The following PLOD1 variants were observed in gnomAD, a reference collection of about 807,000 sequenced individuals.
PLOD1 encodes the protein procollagen-lysine,2-oxoglutarate 5-dioxygenase 1.
In PLOD1, 70 loss-of-function variants were observed where a neutral mutation model predicts 94.7. That is an observed-to-expected ratio of 0.74 (90% CI 0.61 to 0.90). PLOD1 has a LOEUF of 0.90. Among genes scored for constraint, PLOD1 ranks in the 40% least tolerant of loss-of-function variants. The pLI is 0.00. For synonymous variants in PLOD1, 417 were observed against 400.2 expected (o/e 1.04, Z -0.50); for missense variants, 905 against 972.7 (o/e 0.93, Z 0.93).
In PLOD1 at chr1:11,974,652, G is replaced by A; in HGVS notation, c.2029-1G>A. ...GGCCACTGATGCTTTCTGTCTCCCAGGGCGGGGGCTGTCGGTTCCTGCGCT... is the reference window on the plus strand; with the variant it reads ...GGCCACTGATGCTTTCTGTCTCCCAAGGCGGGGGCTGTCGGTTCCTGCGCT... On this transcript the variant is annotated splice_acceptor_variant, in intron 18 of 18. Coordinates refer to ENST00000196061, the MANE Select transcript of PLOD1 (RefSeq NM_000302.4). LOFTEE classifies it high-confidence loss of function. 1 of 1,613,254 alleles carries A rather than the reference G, an allele frequency of 6.2e-7. No homozygotes were observed. Among genetic ancestry groups the A allele is most frequent in the Non-Finnish European group, 8.5e-7 (1 of 1,179,472 alleles).
intron 5 of PLOD1, chr1:11,954,245 G>A (rs867626473): frequency 1.3e-4 from 33 of 262,512 alleles, no homozygotes; most frequent in African/African-American, 7.3e-4. Context: ...GGGGGGCGGG[G>A]GCGGATCACC....
At chr1:11,966,183 T>C in intron 14 of PLOD1, 68 bp from the exon 15 acceptor site, 1 of 1,159,640 alleles carries the variant, frequency 8.6e-7, no homozygotes, top group Non-Finnish European at 1.3e-6. Flanking sequence ...CTTTGAGGGG[T>C]CTGCTCTGAG....
intron 14 of PLOD1, 56 bp downstream of exon 14, chr1:11,965,649 A>T: frequency 9.6e-7 from 1 of 1,044,206 alleles, no homozygotes; most frequent in Non-Finnish European, 1.5e-6. Flanking sequence ...GTGATCCTGC[A>T]GTCGGAGGGA....
Position 11,972,895 on chromosome 1 carries a change from C to T in PLOD1, c.1926C>T (p.Val642=), listed in dbSNP as rs763454814. The T allele has an allele frequency of 1.1e-5, 17 of 1,613,928 alleles. No homozygotes were observed. The highest frequency in any genetic ancestry group is 1.4e-5 in the Non-Finnish European group (17 of 1,179,958). Residue 642 remains valine, a synonymous_variant, in exon 18 of 19, where the codon GTC becomes GTT. Coordinates refer to ENST00000196061, the MANE Select transcript of PLOD1 (RefSeq NM_000302.4). The surrounding 1 kb of genome is among the most constrained non-coding windows in gnomAD (Gnocchi z 4.6). ...AGGCCCAGTTTGACCTGGCCTTTGT[C>T]GTCCGCTACAAGCCTGATGAGCAGC... ...YTRAQFDLAF[V]VRYKPDEQPS...
At position 11,974,647 on chromosome 1, in the gene PLOD1, TC is replaced by T. The variant is rs1273287120; in HGVS notation, c.2029-3del. 11 of 1,612,510 alleles carry T rather than the reference TC, an allele frequency of 6.8e-6. No homozygotes were observed. Among genetic ancestry groups the T allele is most frequent in the Non-Finnish European group, 8.5e-6 (10 of 1,179,114 alleles). On this transcript the variant is annotated splice_polypyrimidine_tract_variant and splice_region_variant and intron_variant, in intron 18 of 18. Transcript: ENST00000196061. Reference sequence around the variant, plus strand: ...GGAAAGGCCACTGATGCTTTCTGTCTCCCAGGGCGGGGGCTGTCGGTTCCTG... The same window carrying T: ...GGAAAGGCCACTGATGCTTTCTGTCTCCAGGGCGGGGGCTGTCGGTTCCTG...
intron 5 of PLOD1, 170 bp from the exon 6 acceptor site, chr1:11,954,660 C>T: frequency 1.3e-6 from 1 of 773,626 alleles, no homozygotes. Flanking sequence ...ACCCCAGGAG[C>T]TTGGCTGCTG....
rs757473129 is a variant in PLOD1 at position 11,957,158 on chromosome 1, G to T, written c.741+144G>T. 5.2e-6 allele frequency: 4 copies of T among 770,784 alleles called. No homozygotes were observed. Among genetic ancestry groups the T allele is most frequent in the South Asian group, 4.1e-5 (3 of 73,740 alleles). The allele number at this position is 770,784 out of a possible 1,614,324, so 47.7% of individuals were successfully genotyped here. A position where few individuals can be genotyped will look rare whatever the true frequency, so the allele number is the denominator to read the frequency against. ...ACTCACTGCCTCTGTCCTCACATCT[G>T]AGCTCAGCGTGATGCCTTCTTTTCC... On this transcript the variant is annotated intron_variant, in intron 7 of 18. Transcript: ENST00000196061. The surrounding 1 kb of genome is among the most constrained non-coding windows in gnomAD (Gnocchi z 4.1).
chr1:11,971,112 A>G (rs1267407626), intron 17 of PLOD1, among the ~76,000 whole-genome samples: 4 of 54,062 alleles, frequency 7.4e-5, no homozygotes, highest in African/African-American at 3.2e-4. Context: ...GAAAGCCTAG[A>G]GGGGCGGGGG....
rs949818460 is a variant in PLOD1 at position 11,958,507 on chromosome 1, C to T, written c.844-9C>T. The T allele has an allele frequency of 1.9e-6, 3 of 1,613,500 alleles. No homozygotes were observed. In the South Asian group the frequency reaches 3.3e-5, roughly 18 times the overall value. On this transcript the variant is annotated splice_polypyrimidine_tract_variant and intron_variant, in intron 8 of 18. Coordinates refer to ENST00000196061, the MANE Select transcript of PLOD1 (RefSeq NM_000302.4). The surrounding 1 kb of genome is among the most constrained non-coding windows in gnomAD (Gnocchi z 4.3). ...CTGCTGGACTCTTGTGCCGCCCTCC[C>T]TGGTGCAGGATGAAGCTCTGCCCAC...
intron 4 of PLOD1, among the ~76,000 whole-genome samples, chr1:11,952,018 A>G (rs1645706616): frequency 6.6e-6 from 1 of 152,234 alleles, no homozygotes; most frequent in South Asian, 2.1e-4. Context: ...TCAACCTTAG[A>G]TGGGGATCTG....
chr1:11,937,912 CCT>C (rs893232010), intron 1 of PLOD1, among the ~76,000 whole-genome samples: 3 of 150,774 alleles, frequency 2.0e-5, no homozygotes, highest in Admixed American at 6.7e-5. Context: ...TGGATCCCTC[CCT>C]GTTTTCCATT....
chr1:11,966,340 G>A, intron 15 of PLOD1, 24 bp downstream of exon 15: 1 of 1,575,074 alleles, frequency 6.3e-7, no homozygotes, highest in Non-Finnish European at 8.7e-7. Context: ...ACACCCTCTT[G>A]GACCAGCCTT....
rs2100757988 is a variant in PLOD1 at position 11,964,375 on chromosome 1, C to T, written c.1328+75C>T. The T allele has an allele frequency of 3.5e-6, 5 of 1,427,580 alleles. No individual in the cohort carries two copies. The South Asian group carries it at 4.7e-5, about 13-fold the overall frequency. The allele number at this position is 1,427,580 out of a possible 1,614,324, so 88.4% of individuals were successfully genotyped here. On this transcript the variant is annotated intron_variant, in intron 12 of 18. Coordinates refer to ENST00000196061, the MANE Select transcript of PLOD1 (RefSeq NM_000302.4). ...CTGCCTGGGCTTGTGGGGCTCCCTC[C>T]CTATTATTCCTGTTCTTGTTACCCT...
chr1:11,947,364 G>A (rs531360395), intron 1 of PLOD1, among the ~76,000 whole-genome samples: 1 of 152,220 alleles, frequency 6.6e-6, no homozygotes, highest in African/African-American at 2.4e-5. Context: ...GAGGTCAGCT[G>A]TTCAAGACCA....
chr1:11,944,880 C>T (rs530963870), intron 1 of PLOD1, among the ~76,000 whole-genome samples: 4 of 152,356 alleles, frequency 2.6e-5, no homozygotes, highest in African/African-American at 9.6e-5. Flanking sequence ...TTCCTCCTGA[C>T]TTCCTGAGGT....
Position 11,934,822 on chromosome 1 carries a change from C to T in PLOD1, c.43C>T (p.Leu15=). The T allele has an allele frequency of 6.5e-7, 1 of 1,540,714 alleles. No individual in the cohort carries two copies. The part of the protein sequence containing the change: ...LLLALLGWLL[L]AEAKGDAKPE... ...ACTGGCCCTGCTGGGCTGGCTGCTG[C>T]TGGCCGAAGCGAAGGGCGACGCCAA... Residue 15 remains leucine, a synonymous_variant, in exon 1 of 19, where the codon CTG becomes TTG. Coordinates refer to ENST00000196061, the MANE Select transcript of PLOD1 (RefSeq NM_000302.4).
chr1:11,964,510 G>C, intron 12 of PLOD1, 134 bp from the exon 13 acceptor site: 1 of 951,622 alleles, frequency 1.1e-6, no homozygotes, highest in Non-Finnish European at 1.7e-6. Flanking sequence ...CAGCACAATT[G>C]TGCCCCCCTA....
intron 9 of PLOD1, among the ~76,000 whole-genome samples, chr1:11,959,444 T>C (rs1444400554): frequency 1.5e-5 from 2 of 133,386 alleles, no homozygotes; most frequent in Non-Finnish European, 3.4e-5. Flanking sequence ...GGTTTTCTTT[T>C]CTTTTTTTTT....
chr1:11,961,945 C>T (rs1304337503), intron 10 of PLOD1, among the ~76,000 whole-genome samples: 2 of 152,206 alleles, frequency 1.3e-5, no homozygotes, highest in African/African-American at 2.4e-5. Context: ...CTTGCCACCA[C>T]ACCTGGCTAA....
Sources: allele counts gnomAD v4.1 joint callset (sites outside exome capture counted in the v4.1 genomes callset), GRCh38; gene constraint gnomAD v4.1.1; non-coding constraint Gnocchi (gnomAD v3.1); transcripts MANE v1.5; gene names NCBI Gene and HGNC (gene_info 2026-07-23, HGNC 2026-07-21).